The following IMMP2L variants were observed in gnomAD, a reference collection of about 807,000 sequenced individuals.
IMMP2L encodes the protein mitochondrial inner membrane protease subunit 2.
A neutral mutation model predicts 19.3 loss-of-function variants in IMMP2L; 18 were observed. The observed-to-expected ratio is 0.93, with a 90% confidence interval of 0.64 to 1.38. IMMP2L has a LOEUF of 1.38. IMMP2L is among the 40% of genes most tolerant of loss of function. The pLI is 0.00. For synonymous variants in IMMP2L, 76 were observed against 73.0 expected (o/e 1.04, Z -0.21); for missense variants, 233 against 218.2 (o/e 1.07, Z -0.43).
chr7:110,718,351 C>G (rs982313956), intron 5 of IMMP2L, among the ~76,000 whole-genome samples: 1 of 152,110 alleles, frequency 6.6e-6, no homozygotes, highest in African/African-American at 2.4e-5. Flanking sequence ...ATATTTGGAG[C>G]AAACCCTGGC....
intron 3 of IMMP2L, among the ~76,000 whole-genome samples, chr7:111,025,958 T>C: frequency 6.6e-6 from 1 of 152,002 alleles, no homozygotes; most frequent in East Asian, 1.9e-4. Context: ...GTTCCCCGGG[T>C]GTTTAACATC....
chr7:110,757,837 A>T lies in IMMP2L; in HGVS notation c.409-94116T>A, dbSNP rs1798123677. Among the ~76,000 whole-genome samples, 1 of 152,114 alleles carries T rather than the reference A, an allele frequency of 6.6e-6. No individual in the cohort carries two copies. The highest frequency in any genetic ancestry group is 2.4e-5 in the African/African-American group (1 of 41,448). ...CTCATTAGGAAGGCAGCACTGGAGT[A>T]GACTCCTGAAAGTGGGGAGGGGAAG... On this transcript the variant is annotated intron_variant, in intron 5 of 5. Coordinates refer to ENST00000405709, the MANE Select transcript of IMMP2L (RefSeq NM_032549.4). This position sits in a 1 kb window ranked among gnomAD's most constrained non-coding sequence, Gnocchi z 4.2.
chr7:110,923,995 G>A (rs547142845), intron 4 of IMMP2L, among the ~76,000 whole-genome samples: 2 of 152,228 alleles, frequency 1.3e-5, no homozygotes, highest in East Asian at 3.9e-4. Context: ...TCCTTCCTTG[G>A]CCCTTAAGGC....
intron 5 of IMMP2L, among the ~76,000 whole-genome samples, chr7:110,691,407 G>A (rs1371786854): frequency 6.6e-6 from 1 of 151,924 alleles, no homozygotes; most frequent in Non-Finnish European, 1.5e-5. Context: ...ATTGGCCTAG[G>A]CAAAGAATTT....
intron 3 of IMMP2L, among the ~76,000 whole-genome samples, chr7:111,024,976 T>G (rs1265185861): frequency 6.6e-6 from 1 of 152,196 alleles, no homozygotes; most frequent in Admixed American, 6.5e-5. Flanking sequence ...GAAAAACTTC[T>G]GAAATTTTGG....
intron 3 of IMMP2L, among the ~76,000 whole-genome samples, chr7:111,016,073 G>A (rs1013989425): frequency 6.6e-6 from 1 of 151,890 alleles, no homozygotes; most frequent in Non-Finnish European, 1.5e-5. Flanking sequence ...AAATTTCAAG[G>A]ATAAAAATAT....
At chr7:111,004,338 A>G (rs1824062891) in intron 3 of IMMP2L, among the ~76,000 whole-genome samples, 1 of 152,014 alleles carries the variant, frequency 6.6e-6, no homozygotes, top group Admixed American at 6.6e-5. Context: ...TTTTATTTTT[A>G]TATTTTTGTA....
chr7:111,053,201 T>A (rs1038374295), intron 3 of IMMP2L, among the ~76,000 whole-genome samples: 1 of 152,214 alleles, frequency 6.6e-6, no homozygotes, highest in African/African-American at 2.4e-5. Context: ...GATATGTGCA[T>A]GATTTGACCT....
At chr7:111,172,787 G>T (rs1806595439) in intron 3 of IMMP2L, among the ~76,000 whole-genome samples, 1 of 151,482 alleles carries the variant, frequency 6.6e-6, no homozygotes. Flanking sequence ...AACCTAATGT[G>T]TTGCAAGCTC....
chr7:111,427,423 C>T (rs1385434815), intron 3 of IMMP2L, among the ~76,000 whole-genome samples: 1 of 151,576 alleles, frequency 6.6e-6, no homozygotes, highest in East Asian at 1.9e-4. Flanking sequence ...AAATGAAGAA[C>T]ATTCAGAGAT....
intron 5 of IMMP2L, among the ~76,000 whole-genome samples, chr7:110,762,090 T>C (rs1317044895): frequency 6.6e-6 from 1 of 152,136 alleles, no homozygotes; most frequent in Non-Finnish European, 1.5e-5. Flanking sequence ...TTGGCAAATA[T>C]TTTAACAGCT....
At chr7:111,484,177 C>T (rs1386359621) in intron 3 of IMMP2L, among the ~76,000 whole-genome samples, 2 of 152,120 alleles carry the variant, frequency 1.3e-5, no homozygotes, top group African/African-American at 2.4e-5. Flanking sequence ...TTAAGTAAAA[C>T]ACTACTTTTA....
At chr7:111,380,716 G>C (rs2131217182) in intron 3 of IMMP2L, among the ~76,000 whole-genome samples, 1 of 152,076 alleles carries the variant, frequency 6.6e-6, no homozygotes, top group Non-Finnish European at 1.5e-5. Context: ...GTTTGAGAGA[G>C]AAAAATTAGC....
chr7:110,914,814 A>G (rs1038257479), intron 4 of IMMP2L, among the ~76,000 whole-genome samples: 3 of 152,166 alleles, frequency 2.0e-5, no homozygotes. Flanking sequence ...CATATATTCC[A>G]TGAACTTTTT....
chr7:111,276,460 T>C (rs1047921209), intron 3 of IMMP2L, among the ~76,000 whole-genome samples: 2 of 152,096 alleles, frequency 1.3e-5, no homozygotes, highest in African/African-American at 2.4e-5. Flanking sequence ...GCTGGCCTCA[T>C]AGAGTAAGTT....
rs141785628 is a variant in IMMP2L, at chr7:110,978,850, C to T, written c.240-15285G>A. 3.5e-3 allele frequency among the ~76,000 whole-genome samples: 526 copies of T among 152,060 alleles called. 2 individuals are homozygous for T. Among genetic ancestry groups the T allele is most frequent in the Non-Finnish European group, 4.3e-3 (289 of 67,868 alleles). ...TTCATAAACCTTTCAAAGTTGTATA[C>T]CAAAAACACGAAGCCCTGTTTAATA... On this transcript the variant is annotated intron_variant, in intron 3 of 5. Transcript: ENST00000405709.
intron 3 of IMMP2L, among the ~76,000 whole-genome samples, chr7:110,974,773 C>G (rs4338033): frequency 0.085 from 12,873 of 152,150 alleles, 766 homozygotes; most frequent in African/African-American, 0.16. Flanking sequence ...TCAGCACCAC[C>G]CTCTGTGTAT....
chr7:111,009,285 A>G (rs1186023307), intron 3 of IMMP2L, among the ~76,000 whole-genome samples: 1 of 152,136 alleles, frequency 6.6e-6, no homozygotes, highest in African/African-American at 2.4e-5. Flanking sequence ...TTATTTGGTA[A>G]AAGCTATAAT....
intron 3 of IMMP2L, among the ~76,000 whole-genome samples, chr7:111,481,455 G>A (rs528082446): frequency 6.6e-6 from 1 of 152,208 alleles, no homozygotes; most frequent in East Asian, 1.9e-4. Flanking sequence ...CTATGCTTTA[G>A]TGTTCTCATC....
Sources: allele counts gnomAD v4.1 joint callset (sites outside exome capture counted in the v4.1 genomes callset), GRCh38; gene constraint gnomAD v4.1.1; non-coding constraint Gnocchi (gnomAD v3.1); transcripts MANE v1.5; gene names NCBI Gene and HGNC (gene_info 2026-07-23, HGNC 2026-07-21).